AKR1D1: variants seen among roughly 807,000 people sequenced by gnomAD.
AKR1D1 encodes the protein delta(4)-3-ketosteroid 5-beta-reductase.
In AKR1D1, 32 loss-of-function variants were observed where a neutral mutation model predicts 42.6. The observed-to-expected ratio is 0.75, with a 90% CI of 0.57 to 1.01. The LOEUF is 1.01. Ranked by LOEUF, AKR1D1 falls within the 50% of genes least tolerant of loss-of-function variation. The pLI, the probability that AKR1D1 is intolerant of heterozygous loss-of-function variation, is 0.00. For synonymous variants in AKR1D1, 123 were observed against 135.5 expected (o/e 0.91, Z 0.64); for missense variants, 364 against 402.2 (o/e 0.91, Z 0.81).
chr7:138,087,820 G>A (rs1368501532), intron 1 of AKR1D1, among the ~76,000 whole-genome samples: 1 of 151,742 alleles, frequency 6.6e-6, no homozygotes, highest in Non-Finnish European at 1.5e-5. Context: ...TTTTGGTCCG[G>A]CTTCTTTCAC....
chr7:138,097,878 A>G lies in AKR1D1; in HGVS notation c.391A>G (p.Ile131Val), dbSNP rs1794214427. 6.2e-7 allele frequency: 1 copy of G among 1,605,834 alleles called. No homozygotes were observed. The highest frequency in any genetic ancestry group is 1.3e-5 in the African/African-American group (1 of 74,198). ...VPMAFKPGDE[I>V]YPRDENGKWL... ...TTTTTTTTTTCAGCCAGGAGATGAA[A>G]TATACCCTAGAGATGAGAATGGCAA... Residue 131 changes from isoleucine (I) to valine (V), a missense_variant, in exon 4 of 9, where the codon ATA (isoleucine) becomes GTA (valine). By Grantham distance (29) the Ile-to-Val change is conservative. Coordinates refer to ENST00000242375, the MANE Select transcript of AKR1D1 (RefSeq NM_005989.4).
chr7:138,115,642 C>T (rs1794619568), intron 8 of AKR1D1, among the ~76,000 whole-genome samples: 1 of 152,132 alleles, frequency 6.6e-6, no homozygotes, highest in African/African-American at 2.4e-5. Context: ...ATCACAAATA[C>T]TGTATCATTT....
At chr7:138,107,634 C>T in intron 7 of AKR1D1, 54 bp downstream of exon 7, 1 of 1,593,490 alleles carries the variant, frequency 6.3e-7, no homozygotes, top group South Asian at 1.1e-5. Context: ...GCTATTTTTG[C>T]TTTTATAGAA....
intron 4 of AKR1D1, 135 bp from the exon 5 acceptor site, chr7:138,105,172 T>G (rs1442650572): frequency 8.2e-7 from 1 of 1,225,164 alleles, no homozygotes; most frequent in Admixed American, 1.8e-5. Flanking sequence ...CATCCTTCTT[T>G]TACTTTTTTT....
In AKR1D1 at chr7:138,107,435, C is replaced by T. The variant is rs1365199236; in HGVS notation, c.710C>T (p.Pro237Leu). 6.2e-7 allele frequency: 1 copy of T among 1,613,984 alleles called. No individual in the cohort carries two copies. Among genetic ancestry groups the T allele is most frequent in the Admixed American group, 1.7e-5 (1 of 60,008 alleles). Residue 237 changes from proline to leucine, a missense_variant, in exon 7 of 9, where the codon CCT becomes CTT. Transcript: ENST00000242375. ...TTAAGGGTGAATGTTTCTTCTCCACCTTTGTTAAAGGATGCACTTCTAAAC... is the reference window on the plus strand; with the variant it reads ...TTAAGGGTGAATGTTTCTTCTCCACTTTTGTTAAAGGATGCACTTCTAAAC... ...NPIWVNVSSP[P>L]LLKDALLNSL...
At chr7:138,115,373 T>G (rs777482612) in intron 8 of AKR1D1, among the ~76,000 whole-genome samples, 7 of 152,086 alleles carry the variant, frequency 4.6e-5, no homozygotes, top group Admixed American at 2.6e-4. Context: ...ACCCCAGACT[T>G]TGAGTGAGCT....
chr7:138,104,886 A>G (rs1015430637), intron 4 of AKR1D1, among the ~76,000 whole-genome samples: 2 of 151,980 alleles, frequency 1.3e-5, no homozygotes, highest in Middle Eastern at 3.4e-3. Flanking sequence ...CAGCCTCCTA[A>G]GTAACTGGGA....
rs1406156780 is a variant in AKR1D1 at position 138,091,756 on chromosome 7, T to C, written c.262-12T>C. The C allele has an allele frequency of 5.0e-6, 8 of 1,586,790 alleles. No homozygotes were observed. In the South Asian group the frequency reaches 8.8e-5, roughly 18 times the overall value. On this transcript the variant is annotated splice_polypyrimidine_tract_variant and intron_variant, in intron 2 of 8. Coordinates refer to ENST00000242375, the MANE Select transcript of AKR1D1 (RefSeq NM_005989.4). ...TAGACATTAGTTAATTCTCCCTCTT[T>C]GATTCTTTCAGCTATGGGCTACAAA...
Position 138,091,824 on chromosome 7 carries a change from C to A in AKR1D1, c.318C>A (p.Leu106=), listed in dbSNP as rs760738008. The A allele has an allele frequency of 2.5e-6, 4 of 1,614,026 alleles. No homozygotes were observed. In the African/African-American group the frequency reaches 5.3e-5, roughly 22 times the overall value. Residue 106 remains leucine, a synonymous_variant, in exon 3 of 9, where the codon CTC becomes CTA. Coordinates refer to ENST00000242375, the MANE Select transcript of AKR1D1 (RefSeq NM_005989.4). ...TCCGCCCAACCCTGGAGAGGACACT[C>A]AGGGTCCTCCAGCTAGATTATGTGG... is the stretch of plus-strand genomic sequence containing the variant. ...EMVRPTLERT[L]RVLQLDYVDL...
intron 5 of AKR1D1, among the ~76,000 whole-genome samples, 198 bp downstream of exon 5, chr7:138,105,627 C>G (rs932146195): frequency 3.3e-5 from 5 of 152,152 alleles, no homozygotes; most frequent in African/African-American, 1.2e-4. Context: ...CGGTGGCTCA[C>G]GCCTGTAATC....
At chr7:138,100,612 CT>C (rs1203087033) in intron 4 of AKR1D1, among the ~76,000 whole-genome samples, 2 of 150,896 alleles carry the variant, frequency 1.3e-5, no homozygotes. Flanking sequence ...ATCTATGCCC[CT>C]AATAACAGAG....
At chr7:138,110,367 GGCAGGA>G (rs2117469531) in intron 7 of AKR1D1, among the ~76,000 whole-genome samples, 1 of 152,274 alleles carries the variant, frequency 6.6e-6, no homozygotes, top group Non-Finnish European at 1.5e-5. Context: ...GGGAGGCCGA[GGCAGGA>G]AGATTGCTTG....
At chr7:138,082,455 C>A (rs10280394) in intron 1 of AKR1D1, among the ~76,000 whole-genome samples, 117,009 of 151,992 alleles carry the variant, frequency 0.77, 45,566 homozygotes, top group African/African-American at 0.88. Context: ...GAAGATCTCA[C>A]CTCCTGGGCT....
At chr7:138,076,745 A>G in intron 1 of AKR1D1, 134 bp downstream of exon 1, 1 of 744,690 alleles carries the variant, frequency 1.3e-6, no homozygotes, top group South Asian at 1.5e-5. Context: ...TCAATTTGTA[A>G]TAATGAAAGG....
intron 7 of AKR1D1, among the ~76,000 whole-genome samples, chr7:138,110,684 C>T (rs968943483): frequency 2.0e-5 from 3 of 151,956 alleles, no homozygotes; most frequent in Non-Finnish European, 2.9e-5. Flanking sequence ...ACTAGGGATG[C>T]GGAGTTTGCA....
chr7:138,097,980 A>G (rs1794217629), intron 4 of AKR1D1, 37 bp downstream of exon 4: 1 of 1,454,572 alleles, frequency 6.9e-7, no homozygotes, highest in Non-Finnish European at 9.7e-7. Context: ...AAAAGACGAT[A>G]TTTTTAAAAC....
chr7:138,081,376 C>G (rs1803052739), intron 1 of AKR1D1, among the ~76,000 whole-genome samples: 1 of 152,112 alleles, frequency 6.6e-6, no homozygotes, highest in Admixed American at 6.5e-5. Flanking sequence ...TCCACTCTCA[C>G]ACACACTCTC....
intron 1 of AKR1D1, among the ~76,000 whole-genome samples, chr7:138,078,223 A>G (rs1176292429): frequency 6.6e-6 from 1 of 152,082 alleles, no homozygotes; most frequent in Non-Finnish European, 1.5e-5. Context: ...CAGCCTCCCA[A>G]AGTGCTGGAA....
intron 4 of AKR1D1, among the ~76,000 whole-genome samples, chr7:138,103,889 G>A (rs1052393246): frequency 2.6e-5 from 4 of 152,096 alleles, no homozygotes; most frequent in African/African-American, 7.2e-5. Context: ...CAGCACTTTG[G>A]GAGGCCAAGG....
Sources: gnomAD v4.1 joint callset for allele counts (sites outside exome capture counted in the v4.1 genomes callset) on GRCh38, gnomAD v4.1.1 for gene constraint, MANE v1.5 for transcripts, NCBI Gene and HGNC (gene_info 2026-07-23, HGNC 2026-07-21) for gene names.